SLC2A14: variants seen among roughly 807,000 people sequenced by gnomAD.
SLC2A14 encodes solute carrier family 2, facilitated glucose transporter member 14.
Under a neutral mutation model 43.0 loss-of-function variants are expected in SLC2A14, and 13 were observed. That is an observed-to-expected ratio of 0.30 (90% CI 0.20 to 0.48). SLC2A14 has a LOEUF of 0.48. Among genes scored for constraint, SLC2A14 ranks in the 20% least tolerant of loss-of-function variants. The pLI is 0.99. For missense variants in SLC2A14, 428 were observed against 620.4 expected (o/e 0.69, Z 3.29); for synonymous variants, 190 against 233.8 (o/e 0.81, Z 1.71).
At position 7,859,881 on chromosome 12, in the gene SLC2A14, G is replaced by A. The variant is rs756086066; in HGVS notation, c.18+9982C>T. 5.3e-5 allele frequency among the ~76,000 whole-genome samples: 8 copies of A among 152,262 alleles called. No homozygotes were observed. The South Asian group carries it at 1.5e-3, about 28-fold the overall frequency. On this transcript the variant is annotated intron_variant, in intron 2 of 10. Transcript: ENST00000431042. ...ATCCTCTAACTTGAAAGATCAAGAA[G>A]GGGATCATGGGAAACGTGGCATTTA...
At chr12:7,852,241 T>A (rs1389988692) in intron 2 of SLC2A14, among the ~76,000 whole-genome samples, 1 of 152,196 alleles carries the variant, frequency 6.6e-6, no homozygotes, top group Non-Finnish European at 1.5e-5. Context: ...GGTGAAAGTA[T>A]AATTTTTCTT....
At position 7,827,598 on chromosome 12, in the gene SLC2A14, T is replaced by C. The variant is rs762107235; in HGVS notation, c.761A>G (p.Lys254Arg). ...KDESARMSQE[K>R]QVTVLELFRV... ...AAAGAGCTCCAGCACGGTGACTTGC[T>C]TTTCTTGTGACATCCTTGCACTCTC... Residue 254 changes from lysine to arginine, a missense_variant, in exon 7 of 11, where the codon AAG becomes AGG. Physicochemically the swap from Lys to Arg is conservative, Grantham distance 26 (BLOSUM62 2). Transcript: ENST00000431042. 2 of 1,613,276 alleles carry C rather than the reference T, an allele frequency of 1.2e-6. No homozygotes were observed. Among genetic ancestry groups the C allele is most frequent in the Admixed American group, 1.7e-5 (1 of 59,814 alleles).
intron 7 of SLC2A14, among the ~76,000 whole-genome samples, chr12:7,826,230 T>TTA (rs1454381697): frequency 2.0e-5 from 3 of 151,224 alleles, no homozygotes; most frequent in Non-Finnish European, 4.4e-5. Context: ...CCCAAGTTTT[T>TTA]TTTTTTTTTA....
chr12:7,832,837 G>A, intron 2 of SLC2A14, 23 bp from the exon 3 acceptor site: 1 of 1,607,406 alleles, frequency 6.2e-7, no homozygotes, highest in Non-Finnish European at 8.5e-7. Context: ...AGGACAGGGA[G>A]GAGAGAATAG....
intron 1 of SLC2A14, among the ~76,000 whole-genome samples, chr12:7,879,069 CCTTTGGCCTTGGCTTTT>C (rs1014159296): frequency 7.4e-5 from 11 of 148,764 alleles, no homozygotes; most frequent in Admixed American, 2.0e-4. Context: ...GAAGCCCATT[CCTTTGGCCTTGGCTTTT>C]CAGACAGCAT....
At chr12:7,858,407 A>G (rs1592270329) in intron 2 of SLC2A14, among the ~76,000 whole-genome samples, 1 of 152,190 alleles carries the variant, frequency 6.6e-6, no homozygotes, top group Non-Finnish European at 1.5e-5. Context: ...CAAGCCCCTT[A>G]TCATACACAT....
upstream of SLC2A14, among the ~76,000 whole-genome samples, chr12:7,876,021 G>GT (rs779978815): frequency 9.2e-5 from 14 of 151,816 alleles, no homozygotes; most frequent in South Asian, 2.9e-3. Context: ...GCTTATGTCT[G>GT]TAATCCTAGC....
rs1011939875 is a variant in SLC2A14 at position 7,871,039 on chromosome 12, C to G, written c.-57-1102G>C. The stretch of plus-strand genomic sequence containing the variant: ...ACAGCACGACAAGCTGGCTTCACCG[C>G]GGAAGAACCCCATGGATGAATACCT... On this transcript the variant is annotated intron_variant, in intron 1 of 10. Coordinates refer to ENST00000431042, the MANE Select transcript of SLC2A14 (RefSeq NM_001286234.2). The G allele has an allele frequency of 3.5e-6, 5 of 1,422,580 alleles. No individual in the cohort carries two copies. In the East Asian group the frequency reaches 1.7e-4, roughly 49 times the overall value. The allele number at this position is 1,422,580 out of a possible 1,614,324, so 88.1% of individuals were successfully genotyped here. A position where few individuals can be genotyped will look rare whatever the true frequency, so the allele number is the denominator to read the frequency against.
chr12:7,870,749 G>A, intron 1 of SLC2A14: 1 of 612,940 alleles, frequency 1.6e-6, no homozygotes, highest in East Asian at 8.5e-5. Context: ...AAAAACCTCA[G>A]AACTCTTTTA....
intron 2 of SLC2A14, among the ~76,000 whole-genome samples, chr12:7,848,577 A>C (rs1866658282): frequency 6.7e-6 from 1 of 148,228 alleles, no homozygotes; most frequent in African/African-American, 2.5e-5. Flanking sequence ...TTTTTGAGAC[A>C]GAGTTTTTGC....
At chr12:7,868,434 C>G (rs886755745) in intron 2 of SLC2A14, among the ~76,000 whole-genome samples, 1 of 152,150 alleles carries the variant, frequency 6.6e-6, no homozygotes, top group African/African-American at 2.4e-5. Flanking sequence ...CAAACCTGCA[C>G]TATCTCTGAG....
intron 1 of SLC2A14, among the ~76,000 whole-genome samples, chr12:7,882,319 C>G (rs965949728): frequency 7.2e-5 from 11 of 151,814 alleles, no homozygotes; most frequent in Non-Finnish European, 1.5e-4. Context: ...AGGGAGACCA[C>G]CAACCCACCA....
At chr12:7,835,590 T>G (rs1449166852) in intron 2 of SLC2A14, among the ~76,000 whole-genome samples, 1 of 152,186 alleles carries the variant, frequency 6.6e-6, no homozygotes, top group African/African-American at 2.4e-5. Flanking sequence ...TCAATCCTAG[T>G]TTCATGCAGC....
chr12:7,870,403 G>C (rs1184827194), intron 1 of SLC2A14, among the ~76,000 whole-genome samples: 2 of 152,142 alleles, frequency 1.3e-5, no homozygotes, highest in Non-Finnish European at 2.9e-5. Context: ...AACTGCTTCA[G>C]TGAGCCACAG....
chr12:7,879,259 A>G lies in SLC2A14; in HGVS notation c.132+11737T>C, dbSNP rs768045803. On this transcript the variant is annotated intron_variant, in intron 1 of 9. Transcript: ENST00000539924. ...TTATTTTAACGTCTGCCTCAGCTTGAGGCCAGGAGTTCCAGACCAGCCTGG... is the reference window on the plus strand; with the variant it reads ...TTATTTTAACGTCTGCCTCAGCTTGGGGCCAGGAGTTCCAGACCAGCCTGG... Among the ~76,000 whole-genome samples, 393 of 151,124 alleles carry G rather than the reference A, an allele frequency of 2.6e-3. 2 individuals carry two copies. The highest frequency in any genetic ancestry group is 9.0e-3 in the African/African-American group (371 of 41,252).
chr12:7,863,644 G>C (rs1421831578), intron 2 of SLC2A14, among the ~76,000 whole-genome samples: 1 of 151,488 alleles, frequency 6.6e-6, no homozygotes, highest in African/African-American at 2.4e-5. Context: ...AATAAACCTT[G>C]GAATACGGAC....
chr12:7,826,225 G>T (rs201020856), intron 7 of SLC2A14, among the ~76,000 whole-genome samples: 1 of 146,122 alleles, frequency 6.8e-6, no homozygotes, highest in African/African-American at 2.5e-5. Flanking sequence ...TTCCTCCCAA[G>T]TTTTTTTTTT....
chr12:7,877,362 G>A (rs192757033), upstream of SLC2A14, among the ~76,000 whole-genome samples: 26 of 152,202 alleles, frequency 1.7e-4, no homozygotes, highest in African/African-American at 6.0e-4. Context: ...AGGCTGGAGT[G>A]CAGCAGCATG....
chr12:7,879,244 G>A (rs113359814), intron 1 of SLC2A14, among the ~76,000 whole-genome samples: 25 of 149,800 alleles, frequency 1.7e-4, no homozygotes, highest in Admixed American at 2.0e-4. Context: ...TTATTTTAAC[G>A]TCTGCCTCAG....
Sources: gnomAD v4.1 joint callset for allele counts (sites outside exome capture counted in the v4.1 genomes callset) on GRCh38, gnomAD v4.1.1 for gene constraint, MANE v1.5 for transcripts, NCBI Gene and HGNC (gene_info 2026-07-23, HGNC 2026-07-21) for gene names.